Variants in ARHGAP23 observed in about 807,000 individuals in gnomAD.
ARHGAP23 encodes the protein rho GTPase-activating protein 23.
A neutral mutation model predicts 136.3 loss-of-function variants in ARHGAP23; 34 were observed. The observed-to-expected ratio is 0.25, with a 90% CI of 0.19 to 0.33. The LOEUF (loss-of-function observed/expected upper bound fraction) is 0.33, where lower values mean the gene tolerates loss of function less well. ARHGAP23 is among the 10% of genes least tolerant of loss of function. The probability of loss-of-function intolerance (pLI) is 1.00; values close to 1 mark genes in which losing one functional copy is unlikely to be tolerated. For missense variants in ARHGAP23, 1,808 were observed against 2,139.0 expected (o/e 0.85, Z 3.05); for synonymous variants, 832 against 920.5 (o/e 0.90, Z 1.74).
chr17:38,453,642 G>T (rs888166594), intron 1 of ARHGAP23: 3 of 150,822 alleles, frequency 2.0e-5, no homozygotes, highest in Admixed American at 6.6e-5. Context: ...CGCCCCGGAG[G>T]GGGAGGCGTC....
chr17:38,491,913 G>A (rs2040288055), intron 20 of ARHGAP23, among the ~76,000 whole-genome samples: 1 of 152,202 alleles, frequency 6.6e-6, no homozygotes, highest in South Asian at 2.1e-4. Context: ...GCAGACGGGG[G>A]CCAAGGTCTG....
At position 38,466,874 on chromosome 17, in the gene ARHGAP23, G is replaced by T. The variant is rs1164412364; in HGVS notation, c.1191G>T (p.Leu397=). Residue 397 remains leucine, a synonymous_variant, in exon 7 of 24, where the codon CTG becomes CTT. Coordinates refer to ENST00000622683, the MANE Select transcript of ARHGAP23 (RefSeq NM_001199417.2). ...ARTPACPTRD[L]PGPQAPPPSG... is the part of the protein sequence containing the mutation. ...CCCCCGCCTGCCCAACTCGGGACCTGCCAGGGCCCCAGGCCCCACCCCCGT... is the reference window on the plus strand; with the variant it reads ...CCCCCGCCTGCCCAACTCGGGACCTTCCAGGGCCCCAGGCCCCACCCCCGT... The T allele has an allele frequency of 1.2e-5, 18 of 1,549,642 alleles. No homozygotes were observed. The Admixed American group carries it at 3.5e-4, about 30-fold the overall frequency.
At chr17:38,423,219 G>A (rs910598632) in intron 1 of ARHGAP23, among the ~76,000 whole-genome samples, 2 of 150,070 alleles carry the variant, frequency 1.3e-5, no homozygotes, top group South Asian at 2.1e-4. Context: ...TTGAGACGAT[G>A]TTCTGCTCTG....
intron 12 of ARHGAP23, among the ~76,000 whole-genome samples, chr17:38,478,645 G>A (rs1361864625): frequency 6.6e-6 from 1 of 152,030 alleles, no homozygotes; most frequent in Non-Finnish European, 1.5e-5. Flanking sequence ...TCCTGACCTC[G>A]TGATCCTCCC....
chr17:38,496,230 C>A (rs2040388991), intron 20 of ARHGAP23, among the ~76,000 whole-genome samples: 1 of 152,140 alleles, frequency 6.6e-6, no homozygotes, highest in Non-Finnish European at 1.5e-5. Flanking sequence ...TTATCAGTTT[C>A]TGTGTCTTCC....
intron 1 of ARHGAP23, among the ~76,000 whole-genome samples, chr17:38,455,350 A>T (rs1214498395): frequency 1.3e-5 from 2 of 152,152 alleles, no homozygotes; most frequent in African/African-American, 4.8e-5. Context: ...CCTAGTTGGA[A>T]GAGGTGGGAG....
chr17:38,434,117 G>A (rs1424385975), intron 1 of ARHGAP23, among the ~76,000 whole-genome samples: 1 of 152,072 alleles, frequency 6.6e-6, no homozygotes, highest in Non-Finnish European at 1.5e-5. Context: ...GAGCCACCGC[G>A]CCTGGCTGGA....
chr17:38,444,675 A>G (rs541988593), intron 1 of ARHGAP23, among the ~76,000 whole-genome samples: 1 of 152,190 alleles, frequency 6.6e-6, no homozygotes, highest in South Asian at 2.1e-4. Context: ...AGATGACAGT[A>G]GAGACTCTGA....
At chr17:38,427,439 G>A (rs1025162694), upstream of ARHGAP23, among the ~76,000 whole-genome samples, 2 of 151,676 alleles carry the variant, frequency 1.3e-5, no homozygotes, top group South Asian at 2.1e-4. Flanking sequence ...ACTCCAGCAT[G>A]GGTGACAGAG....
At chr17:38,446,970 C>T (rs1285840544) in intron 1 of ARHGAP23, among the ~76,000 whole-genome samples, 1 of 151,998 alleles carries the variant, frequency 6.6e-6, no homozygotes, top group Non-Finnish European at 1.5e-5. Flanking sequence ...TGTGCCATCA[C>T]GTTTGGCCAA....
chr17:38,510,164 C>A lies in ARHGAP23; in HGVS notation c.3668C>A (p.Pro1223His). ...GGGCCGCTGCCTGGCGCCGTCGCCC[C>A]CGAGGCCCCCGGACGCCTCAGTCCC... Reference protein sequence around the residue: ...PQGPLPGAVAPEAPGRLSPPA... With the variant: ...PQGPLPGAVAHEAPGRLSPPA... The change falls in exon 24 of 24, where the codon CCC becomes CAC. Residue 1223 changes from proline to histidine, a missense_variant. Around this residue, in one of 7 missense-constraint regions of ARHGAP23, gnomAD observed 506 missense variants for 455.8 expected, o/e 1.11. Coordinates refer to ENST00000622683, the MANE Select transcript of ARHGAP23 (RefSeq NM_001199417.2). The surrounding 1 kb of genome is among the most constrained non-coding windows in gnomAD (Gnocchi z 4.6). 1 of 1,294,390 alleles carries A rather than the reference C, an allele frequency of 7.7e-7. No homozygotes were observed. Among genetic ancestry groups the A allele is most frequent in the South Asian group, 2.7e-5 (1 of 36,692 alleles). 80.2% of individuals were successfully genotyped at this position (1,294,390 alleles called of 1,614,324 possible).
chr17:38,442,315 A>G (rs1250587144), intron 1 of ARHGAP23, among the ~76,000 whole-genome samples: 1 of 151,936 alleles, frequency 6.6e-6, no homozygotes. Context: ...CCTCTGAGGA[A>G]GGGGTGGGGA....
At chr17:38,457,083 T>C (rs1373040223) in intron 1 of ARHGAP23, among the ~76,000 whole-genome samples, 2 of 152,184 alleles carry the variant, frequency 1.3e-5, no homozygotes, top group African/African-American at 2.4e-5. Flanking sequence ...CTAATTTTTG[T>C]ATTTTTGGTA....
intron 23 of ARHGAP23, among the ~76,000 whole-genome samples, chr17:38,503,348 T>C (rs1294637799): frequency 1.3e-5 from 2 of 152,112 alleles, no homozygotes; most frequent in Non-Finnish European, 2.9e-5. Flanking sequence ...GCAGGGAAAG[T>C]CTGAGCAGAG....
upstream of ARHGAP23, among the ~76,000 whole-genome samples, chr17:38,427,851 C>A (rs960602263): frequency 6.6e-6 from 1 of 152,192 alleles, no homozygotes; most frequent in Non-Finnish European, 1.5e-5. Context: ...CGTCTCCCCA[C>A]CCCCTGCACT....
intron 4 of ARHGAP23, 27 bp downstream of exon 4, chr17:38,462,968 T>C (rs775347460): frequency 6.5e-7 from 1 of 1,544,312 alleles, no homozygotes; most frequent in South Asian, 1.2e-5. Context: ...ACCTGGGCTC[T>C]ACTTTCTACC....
chr17:38,466,079 C>A, intron 6 of ARHGAP23, 88 bp from the exon 7 acceptor site: 1 of 1,196,050 alleles, frequency 8.4e-7, no homozygotes, highest in Non-Finnish European at 1.1e-6. Context: ...CATTTCCCTC[C>A]TGGGCTCCTT....
At chr17:38,479,591 C>T in intron 13 of ARHGAP23, 94 bp downstream of exon 13, 3 of 1,459,490 alleles carry the variant, frequency 2.1e-6, no homozygotes, top group East Asian at 2.5e-5. Context: ...CAGGGCTGCC[C>T]TCTGCTGGGG....
chr17:38,505,651 A>G (rs1433355675), intron 23 of ARHGAP23, among the ~76,000 whole-genome samples: 3 of 152,220 alleles, frequency 2.0e-5, no homozygotes, highest in Admixed American at 2.0e-4. Flanking sequence ...AGAGGAGGCC[A>G]AGCATGGTGG....
Sources: allele counts gnomAD v4.1 joint callset (sites outside exome capture counted in the v4.1 genomes callset), GRCh38; gene constraint gnomAD v4.1.1; regional missense constraint gnomAD v4.1.1; non-coding constraint Gnocchi (gnomAD v3.1); transcripts MANE v1.5; gene names NCBI Gene and HGNC (gene_info 2026-07-23, HGNC 2026-07-21).